PAK5: variants seen among roughly 807,000 people sequenced by gnomAD.
PAK5 encodes the protein p21 (RAC1) activated kinase 5, also known as serine/threonine-protein kinase PAK 5.
Under a neutral mutation model 65.9 loss-of-function variants are expected in PAK5, and 16 were observed. That is an observed-to-expected ratio of 0.24 (90% confidence interval 0.16 to 0.37). The LOEUF is 0.37. Among genes scored for constraint, PAK5 ranks in the 10% least tolerant of loss-of-function variants. PAK5 has a pLI of 1.00. For missense variants in PAK5, 785 were observed against 903.9 expected (o/e 0.87, Z 1.69); for synonymous variants, 371 against 354.9 (o/e 1.05, Z -0.51).
At chr20:9,667,403 C>T (rs1046401913) in intron 2 of PAK5, among the ~76,000 whole-genome samples, 1 of 101,128 alleles carries the variant, frequency 9.9e-6, no homozygotes, top group Non-Finnish European at 1.9e-5. Flanking sequence ...CATTCACTAT[C>T]TCCTGGAGCA....
chr20:9,789,329 G>A (rs549425618), intron 1 of PAK5, among the ~76,000 whole-genome samples: 12 of 152,192 alleles, frequency 7.9e-5, no homozygotes, highest in African/African-American at 2.6e-4. Context: ...GGGACAGATG[G>A]CTATCAAACT....
chr20:9,795,189 T>C (rs889418669), intron 1 of PAK5, among the ~76,000 whole-genome samples: 3 of 152,112 alleles, frequency 2.0e-5, no homozygotes, highest in Non-Finnish European at 2.9e-5. Flanking sequence ...AAAAGAAAGA[T>C]TGAGTATCCT....
chr20:9,707,905 A>G (rs1268951777), intron 2 of PAK5, among the ~76,000 whole-genome samples: 1 of 152,030 alleles, frequency 6.6e-6, no homozygotes. Context: ...GAAGTCCCCA[A>G]CTCACCCACA....
chr20:9,784,980 G>C (rs1407042157), intron 1 of PAK5, among the ~76,000 whole-genome samples: 1 of 151,716 alleles, frequency 6.6e-6, no homozygotes, highest in African/African-American at 2.4e-5. Context: ...TTTTAATATA[G>C]TACCTCCTTT....
intron 2 of PAK5, among the ~76,000 whole-genome samples, chr20:9,707,491 G>T (rs1245019812): frequency 1.3e-5 from 2 of 152,172 alleles, no homozygotes; most frequent in Non-Finnish European, 2.9e-5. Context: ...TTTCTTCCCG[G>T]TAGATTGTTT....
At chr20:9,712,111 A>G (rs2048084435) in intron 1 of PAK5, among the ~76,000 whole-genome samples, 1 of 152,214 alleles carries the variant, frequency 6.6e-6, no homozygotes, top group African/African-American at 2.4e-5. Context: ...GCTTAGGAAC[A>G]TGAGACAGCA....
intron 1 of PAK5, among the ~76,000 whole-genome samples, chr20:9,771,582 A>ATTTTTTTTTTTTTTTT (rs545140358): frequency 1.3e-4 from 14 of 109,752 alleles, no homozygotes; most frequent in East Asian, 6.4e-4. Flanking sequence ...CAATTTTTTA[A>ATTTTTTTTTTTTTTTT]TTTTTTTTTT....
intron 1 of PAK5, among the ~76,000 whole-genome samples, chr20:9,823,087 G>A (rs2049441997): frequency 6.6e-6 from 1 of 152,190 alleles, no homozygotes. Context: ...TCATAGATGA[G>A]ATTAGTGTCC....
At chr20:9,548,372 T>A (rs1157745278) in intron 7 of PAK5, among the ~76,000 whole-genome samples, 1 of 152,102 alleles carries the variant, frequency 6.6e-6, no homozygotes, top group African/African-American at 2.4e-5. Context: ...CACTCTCTTT[T>A]TTTTTTTAAT....
At position 9,673,291 on chromosome 20, in the gene PAK5, G is replaced by A. The variant is rs2047525591; in HGVS notation, c.-11-28952C>T. Among the ~76,000 whole-genome samples the A allele has an allele frequency of 2.0e-5, 3 of 151,976 alleles. No individual in the cohort carries two copies. In the South Asian group the frequency reaches 6.2e-4, roughly 32 times the overall value. ...AAAAGAAAAAAAAAGAATTAAAAAA[G>A]AAATGAATCTCTCAAATCTCTTTCC... On this transcript the variant is annotated intron_variant, in intron 2 of 9. Transcript: ENST00000353224.
At chr20:9,748,966 G>A (rs1327713335) in intron 1 of PAK5, among the ~76,000 whole-genome samples, 1 of 152,114 alleles carries the variant, frequency 6.6e-6, no homozygotes, top group African/African-American at 2.4e-5. Flanking sequence ...GTTCCTGCCA[G>A]TATCCTCCAA....
At chr20:9,708,990 C>T (rs1228162531) in intron 2 of PAK5, among the ~76,000 whole-genome samples, 2 of 152,118 alleles carry the variant, frequency 1.3e-5, no homozygotes, top group African/African-American at 4.8e-5. Context: ...TCTGAATAAA[C>T]ACCACTCCAT....
intron 2 of PAK5, among the ~76,000 whole-genome samples, chr20:9,682,622 A>G (rs1001911439): frequency 6.6e-6 from 1 of 152,080 alleles, no homozygotes; most frequent in Non-Finnish European, 1.5e-5. Flanking sequence ...GACTACAAAC[A>G]CTCGGGGACC....
intron 7 of PAK5, among the ~76,000 whole-genome samples, chr20:9,557,291 C>A (rs2045522312): frequency 6.6e-6 from 1 of 152,088 alleles, no homozygotes; most frequent in African/African-American, 2.4e-5. Context: ...TGGATGCACC[C>A]CTAGAAGAGT....
At chr20:9,729,140 C>G (rs2048307671) in intron 1 of PAK5, among the ~76,000 whole-genome samples, 1 of 151,706 alleles carries the variant, frequency 6.6e-6, no homozygotes, top group Admixed American at 6.6e-5. Flanking sequence ...GAGGCTGAGG[C>G]AGGAGAATGG....
intron 1 of PAK5, among the ~76,000 whole-genome samples, chr20:9,817,277 T>C (rs2049368194): frequency 6.6e-6 from 1 of 152,186 alleles, no homozygotes; most frequent in South Asian, 2.1e-4. Flanking sequence ...TTTTTAAAAA[T>C]CTATCCAAAT....
chr20:9,788,870 G>A (rs952491004), intron 1 of PAK5, among the ~76,000 whole-genome samples: 2 of 152,126 alleles, frequency 1.3e-5, no homozygotes, highest in Non-Finnish European at 2.9e-5. Flanking sequence ...CTTGAGCCAA[G>A]CAGCTGGGAA....
intron 7 of PAK5, among the ~76,000 whole-genome samples, chr20:9,554,473 C>A (rs186139426): frequency 1.5e-4 from 23 of 152,228 alleles, no homozygotes; most frequent in African/African-American, 5.1e-4. Flanking sequence ...AGGATGACTT[C>A]CAGATAACTC....
intron 3 of PAK5, among the ~76,000 whole-genome samples, chr20:9,640,426 A>G (rs1373490370): frequency 6.6e-6 from 1 of 151,972 alleles, no homozygotes; most frequent in African/African-American, 2.4e-5. Context: ...ATTCCATGGT[A>G]TATATGTGCA....
Sources: allele counts gnomAD v4.1 joint callset (sites outside exome capture counted in the v4.1 genomes callset), GRCh38; gene constraint gnomAD v4.1.1; transcripts MANE v1.5; gene names NCBI Gene and HGNC (gene_info 2026-07-23, HGNC 2026-07-21).